Variants in ADAMTS18 observed in about 807,000 individuals in gnomAD.
The protein encoded by ADAMTS18 is ADAM metallopeptidase with thrombospondin type 1 motif 18.
Under a neutral mutation model 165.9 loss-of-function variants are expected in ADAMTS18, and 157 were observed. The ratio of observed to expected loss-of-function variants is 0.95; its 90% CI spans 0.83 to 1.08. The LOEUF (loss-of-function observed/expected upper bound fraction) is 1.08. ADAMTS18 is among the 50% of genes least tolerant of loss of function. The pLI is 0.00. For synonymous variants in ADAMTS18, 782 were observed against 578.2 expected, an observed-to-expected ratio of 1.35 and a Z score of -5.06; for missense variants, 2,040 against 1,534.0, an observed-to-expected ratio of 1.33 and a Z score of -5.51.
chr16:77,288,544 C>T (rs957129736), intron 22 of ADAMTS18, among the ~76,000 whole-genome samples: 1 of 152,126 alleles, frequency 6.6e-6, no homozygotes, highest in Non-Finnish European at 1.5e-5. Context: ...TCAGTACTCA[C>T]TGCACTTCCC....
In ADAMTS18 at chr16:77,284,053, T is replaced by A; in HGVS notation, c.3569A>T (p.Asp1190Val). The A allele has an allele frequency of 6.2e-7, 1 of 1,612,892 alleles. No homozygotes were observed. The highest frequency in any genetic ancestry group is 2.2e-5 in the East Asian group (1 of 44,858). Reference sequence around the variant, plus strand: ...AACTAGGTGACACCAGTTGAAGAAATCTACGCAGGATGGATCCTCTAAAAT... The same window carrying A: ...AACTAGGTGACACCAGTTGAAGAAAACTACGCAGGATGGATCCTCTAAAAT... ...PEKREDPSCV[D>V]FFNWCHLVPQ... Residue 1190 changes from aspartate to valine, a missense_variant, in exon 23 of 23, where the codon GAT (aspartate) becomes GTT (valine). Coordinates refer to ENST00000282849, the MANE Select transcript of ADAMTS18 (RefSeq NM_199355.4).
chr16:77,344,919 CT>C (rs981521764), intron 10 of ADAMTS18, among the ~76,000 whole-genome samples: 1 of 152,010 alleles, frequency 6.6e-6, no homozygotes, highest in East Asian at 1.9e-4. Context: ...AGAGTTTGCA[CT>C]TTTTTTGCTT....
At chr16:77,432,946 G>C (rs894901091) in intron 2 of ADAMTS18, among the ~76,000 whole-genome samples, 4 of 151,940 alleles carry the variant, frequency 2.6e-5, no homozygotes, top group African/African-American at 9.7e-5. Context: ...TATTCTTTAT[G>C]TCCTCCCACT....
intron 22 of ADAMTS18, among the ~76,000 whole-genome samples, chr16:77,287,263 C>G (rs1028710072): frequency 3.3e-5 from 5 of 152,174 alleles, no homozygotes; most frequent in Non-Finnish European, 7.4e-5. Flanking sequence ...TTACTGCTCA[C>G]TAATGTTTTC....
At chr16:77,416,857 G>C (rs984027599) in intron 3 of ADAMTS18, among the ~76,000 whole-genome samples, 6 of 152,176 alleles carry the variant, frequency 3.9e-5, no homozygotes, top group African/African-American at 1.4e-4. Flanking sequence ...ATCCAGGTGA[G>C]AGATGAGAAT....
chr16:77,415,208 G>A (rs904913510), intron 3 of ADAMTS18, among the ~76,000 whole-genome samples: 1 of 152,226 alleles, frequency 6.6e-6, no homozygotes, highest in African/African-American at 2.4e-5. Context: ...GCCAGTATAT[G>A]CTCAATGCGC....
chr16:77,314,379 G>A (rs372934142), intron 16 of ADAMTS18, among the ~76,000 whole-genome samples: 32 of 151,832 alleles, frequency 2.1e-4, no homozygotes, highest in South Asian at 2.1e-4. Context: ...AGGCCGAGGC[G>A]GGTGGATTAC....
intron 9 of ADAMTS18, among the ~76,000 whole-genome samples, chr16:77,354,710 A>G (rs2056603257): frequency 6.6e-6 from 1 of 152,232 alleles, no homozygotes; most frequent in Non-Finnish European, 1.5e-5. Context: ...TACACAGTTC[A>G]AATGAGAAAA....
At chr16:77,339,234 A>G (rs576306394) in intron 11 of ADAMTS18, among the ~76,000 whole-genome samples, 1 of 152,138 alleles carries the variant, frequency 6.6e-6, no homozygotes, top group South Asian at 2.1e-4. Context: ...AGGAAACCGT[A>G]TATGAATGTA....
rs80153679 is a variant in ADAMTS18, at chr16:77,431,574, G to C, written c.216C>G (p.Ala72=). ...VFVTPVEVDS[A]GSYISHDILH... is the part of the protein sequence containing the mutation. ...AAATGTCGTGTGAAATATATGACCC[G>C]GCTGAGTCTACTTCTACTGGCGTGA... The change falls in exon 3 of 23, where the codon GCC becomes GCG. Residue 72 remains alanine, a synonymous_variant. Transcript: ENST00000282849. The C allele has an allele frequency of 3.9e-4, 637 of 1,614,102 alleles. 2 individuals are homozygous for C. The highest frequency in any genetic ancestry group is 2.3e-3 in the Middle Eastern group (14 of 6,060).
chr16:77,298,570 C>A (rs939143001), intron 17 of ADAMTS18, among the ~76,000 whole-genome samples: 1 of 152,042 alleles, frequency 6.6e-6, no homozygotes, highest in African/African-American at 2.4e-5. Context: ...GGAAGGCGGA[C>A]TGCTTGAGGC....
At chr16:77,425,653 CAAGTA>C (rs1400818175) in intron 3 of ADAMTS18, among the ~76,000 whole-genome samples, 2 of 152,182 alleles carry the variant, frequency 1.3e-5, no homozygotes, top group African/African-American at 4.8e-5. Context: ...TGTCCAGGTA[CAAGTA>C]AAGTACAAAT....
At position 77,291,511 on chromosome 16, in the gene ADAMTS18, G is replaced by C. The variant is rs777719032; in HGVS notation, c.3190-33C>G. On this transcript the variant is annotated intron_variant, in intron 20 of 22. Coordinates refer to ENST00000282849, the MANE Select transcript of ADAMTS18 (RefSeq NM_199355.4). ...CCAAGACAGGATGTGTAAAAGTGAA[G>C]ACTGCCAGGATCACATCTTCTGGAC... 6.9e-6 allele frequency: 11 copies of C among 1,601,732 alleles called. No homozygotes were observed. In the African/African-American group the frequency reaches 1.3e-4, roughly 19 times the overall value.
At chr16:77,428,793 A>G (rs2057703832) in intron 3 of ADAMTS18, among the ~76,000 whole-genome samples, 1 of 152,186 alleles carries the variant, frequency 6.6e-6, no homozygotes. Context: ...TATTCTGCAA[A>G]TATTCCAAAA....
chr16:77,327,202 AT>A (rs1040334547), intron 12 of ADAMTS18, among the ~76,000 whole-genome samples: 2 of 152,026 alleles, frequency 1.3e-5, no homozygotes, highest in South Asian at 4.2e-4. Flanking sequence ...TTAATTTTTG[AT>A]TTTTTTATTT....
At chr16:77,340,128 T>C (rs1567496751) in intron 11 of ADAMTS18, among the ~76,000 whole-genome samples, 1 of 152,154 alleles carries the variant, frequency 6.6e-6, no homozygotes, top group Admixed American at 6.5e-5. Context: ...AAGAGAGAAT[T>C]AGTTATTTCC....
At position 77,434,661 on chromosome 16, in the gene ADAMTS18, G is replaced by A. The variant is rs200952997; in HGVS notation, c.35C>T (p.Pro12Leu). ...CCTCGGCGGGCCCGAACCCGCAGCC[G>A]GGAAGGCACACGCGAGCAGGAGGGC... is the stretch of plus-strand genomic sequence containing the variant. Reference protein sequence around the residue: ...ECALLLACAFPAAGSGPPRGL... With the variant: ...ECALLLACAFLAAGSGPPRGL... The change falls in exon 1 of 23, where the codon CCG becomes CTG. Residue 12 changes from proline to leucine, a missense_variant. Coordinates refer to ENST00000282849, the MANE Select transcript of ADAMTS18 (RefSeq NM_199355.4). The A allele has an allele frequency of 1.2e-5, 18 of 1,479,346 alleles. No homozygotes were observed. In the African/African-American group the frequency reaches 1.5e-4, roughly 12 times the overall value. 91.6% of individuals were successfully genotyped at this position (1,479,346 alleles called of 1,614,324 possible). A position where few individuals can be genotyped will look rare whatever the true frequency, so the allele number is the denominator to read the frequency against.
chr16:77,419,095 G>C (rs988902172), intron 3 of ADAMTS18, among the ~76,000 whole-genome samples: 3 of 152,156 alleles, frequency 2.0e-5, no homozygotes, highest in African/African-American at 7.2e-5. Flanking sequence ...ACTGCAGTGA[G>C]CCAAGATCAT....
intron 3 of ADAMTS18, among the ~76,000 whole-genome samples, chr16:77,384,109 A>T (rs969142256): frequency 6.6e-5 from 10 of 152,108 alleles, no homozygotes; most frequent in African/African-American, 2.2e-4. Flanking sequence ...ATTGTTTGGC[A>T]GCTGGTAGGA....
Sources: gnomAD v4.1 joint callset for allele counts (sites outside exome capture counted in the v4.1 genomes callset) on GRCh38, gnomAD v4.1.1 for gene constraint, MANE v1.5 for transcripts, NCBI Gene and HGNC (gene_info 2026-07-23, HGNC 2026-07-21) for gene names.